Variants in PPP2R2C observed in about 807,000 individuals in gnomAD.
PPP2R2C encodes protein phosphatase 2 regulatory subunit Bgamma.
Under a neutral mutation model 45.3 loss-of-function variants are expected in PPP2R2C, and 10 were observed. The ratio of observed to expected loss-of-function variants is 0.22; its 90% CI spans 0.14 to 0.37. PPP2R2C has a LOEUF of 0.37. Ranked by LOEUF, PPP2R2C falls within the 10% of genes least tolerant of loss-of-function variation. The pLI, the probability that PPP2R2C is intolerant of heterozygous loss-of-function variation, is 1.00. For missense variants in PPP2R2C, 308 were observed against 619.7 expected (o/e 0.50, Z 5.34); for synonymous variants, 257 against 245.4 (o/e 1.05, Z -0.44).
intron 5 of PPP2R2C, among the ~76,000 whole-genome samples, chr4:6,360,067 G>A (rs966367640): frequency 6.6e-6 from 1 of 152,208 alleles, no homozygotes; most frequent in African/African-American, 2.4e-5. Context: ...TTGAGACATG[G>A]TAATAACCCC....
chr4:6,375,346 C>A (rs1715215602), intron 4 of PPP2R2C, among the ~76,000 whole-genome samples: 1 of 152,152 alleles, frequency 6.6e-6, no homozygotes, highest in Non-Finnish European at 1.5e-5. Flanking sequence ...ATGTCTGTTT[C>A]AGGCCTTTGT....
chr4:6,475,796 GTGTGC>G (rs1006851363), upstream of PPP2R2C, among the ~76,000 whole-genome samples: 1 of 152,246 alleles, frequency 6.6e-6, no homozygotes, highest in African/African-American at 2.4e-5. Context: ...TGCATGGAAA[GTGTGC>G]TGTGCACCGC....
At chr4:6,475,934 T>A (rs553634343), upstream of PPP2R2C, among the ~76,000 whole-genome samples, 1 of 152,190 alleles carries the variant, frequency 6.6e-6, no homozygotes, top group South Asian at 2.1e-4. Flanking sequence ...ATGGAGAGAT[T>A]AGTGCCCCTA....
chr4:6,381,124 G>T, intron 1 of PPP2R2C, 30 bp from the exon 2 acceptor site: 1 of 1,556,388 alleles, frequency 6.4e-7, no homozygotes, highest in South Asian at 1.2e-5. Context: ...ACGGGAAGGG[G>T]TGGCTGTCAG....
chr4:6,421,506 A>G (rs1718962850), intron 1 of PPP2R2C, among the ~76,000 whole-genome samples: 1 of 152,142 alleles, frequency 6.6e-6, no homozygotes, highest in South Asian at 2.1e-4. Flanking sequence ...CGCTCTAGAT[A>G]CTGAGTGTCA....
chr4:6,532,339 C>A (rs1293215387), intron 2 of PPP2R2C, among the ~76,000 whole-genome samples: 2 of 152,208 alleles, frequency 1.3e-5, no homozygotes, highest in African/African-American at 4.8e-5. Flanking sequence ...AGCCATGTTT[C>A]CTGATGCCCA....
intron 1 of PPP2R2C, among the ~76,000 whole-genome samples, chr4:6,425,916 A>G (rs1719271017): frequency 6.6e-6 from 1 of 151,960 alleles, no homozygotes; most frequent in Non-Finnish European, 1.5e-5. Flanking sequence ...GCACACGTGC[A>G]TGCATGTGCA....
chr4:6,548,943 G>A (rs541376558), intron 1 of PPP2R2C, among the ~76,000 whole-genome samples: 7 of 152,228 alleles, frequency 4.6e-5, no homozygotes, highest in Non-Finnish European at 7.4e-5. Context: ...CCCTCTCCCC[G>A]CCTTCCCTCT....
intron 1 of PPP2R2C, among the ~76,000 whole-genome samples, chr4:6,443,166 C>T (rs900044881): frequency 6.6e-6 from 1 of 152,148 alleles, no homozygotes. Context: ...TCTCTCTCCT[C>T]GGCACCACTC....
intron 1 of PPP2R2C, among the ~76,000 whole-genome samples, chr4:6,404,520 A>G (rs1432854284): frequency 6.6e-6 from 1 of 152,222 alleles, no homozygotes; most frequent in Non-Finnish European, 1.5e-5. Context: ...TCAGTTATGA[A>G]GCACCCAGGT....
At chr4:6,521,415 G>A (rs1394569725) in intron 2 of PPP2R2C, among the ~76,000 whole-genome samples, 1 of 152,186 alleles carries the variant, frequency 6.6e-6, no homozygotes, top group African/African-American at 2.4e-5. Context: ...CCAGAAAGCG[G>A]GGACTTCAAT....
intron 6 of PPP2R2C, among the ~76,000 whole-genome samples, chr4:6,339,190 G>A (rs748211293): frequency 4.6e-5 from 7 of 152,228 alleles, no homozygotes; most frequent in Admixed American, 6.5e-5. Context: ...CCCCCAAGCC[G>A]CTGGGTACCT....
At chr4:6,397,672 G>A (rs1030481744) in intron 1 of PPP2R2C, among the ~76,000 whole-genome samples, 1 of 152,122 alleles carries the variant, frequency 6.6e-6, no homozygotes, top group Non-Finnish European at 1.5e-5. Context: ...ACCTACCAGG[G>A]GCAAGGCTCA....
intron 6 of PPP2R2C, among the ~76,000 whole-genome samples, 153 bp from the exon 7 acceptor site, chr4:6,333,884 C>T (rs542252117): frequency 1.4e-4 from 22 of 152,282 alleles, no homozygotes; most frequent in African/African-American, 5.3e-4. Context: ...TACCAGGGAA[C>T]AAGCCTGGTA....
chr4:6,398,988 C>CA (rs1194731068), intron 1 of PPP2R2C, among the ~76,000 whole-genome samples: 1 of 152,078 alleles, frequency 6.6e-6, no homozygotes, highest in South Asian at 2.1e-4. Context: ...GAAGCCAGAC[C>CA]AAAAAATGCA....
chr4:6,332,055 G>T lies in PPP2R2C; in HGVS notation c.960+1507C>A, dbSNP rs1208008340. Among the ~76,000 whole-genome samples, 1 of 152,162 alleles carries T rather than the reference G, an allele frequency of 6.6e-6. No individual in the cohort carries two copies. The highest frequency in any genetic ancestry group is 1.9e-4 in the East Asian group (1 of 5,198). On this transcript the variant is annotated intron_variant, in intron 7 of 8. Coordinates refer to ENST00000382599, the MANE Select transcript of PPP2R2C (RefSeq NM_020416.4). The surrounding 1 kb of genome is among the most constrained non-coding windows in gnomAD (Gnocchi z 4.9). ...CAGAACAGTCATTCCCCTCCTTCGT[G>T]GGGTCCTTCATGAGAATTTCAGAAA...
intron 1 of PPP2R2C, among the ~76,000 whole-genome samples, chr4:6,555,842 G>A (rs976101971): frequency 6.6e-6 from 1 of 152,162 alleles, no homozygotes; most frequent in Non-Finnish European, 1.5e-5. Context: ...CTCGGGTAAT[G>A]CTGCCACACC....
intron 2 of PPP2R2C, among the ~76,000 whole-genome samples, chr4:6,506,045 T>C (rs563699298): frequency 5.3e-5 from 8 of 152,276 alleles, no homozygotes; most frequent in African/African-American, 1.9e-4. Context: ...TGTGGATGAA[T>C]TTCATAGGCA....
intron 1 of PPP2R2C, among the ~76,000 whole-genome samples, chr4:6,425,839 T>TG (rs1719262237): frequency 7.1e-6 from 1 of 140,182 alleles, no homozygotes; most frequent in East Asian, 2.1e-4. Flanking sequence ...GTGTGTGTGG[T>TG]GTGTGTGTTA....
Sources: gnomAD v4.1 joint callset for allele counts (sites outside exome capture counted in the v4.1 genomes callset) on GRCh38, gnomAD v4.1.1 for gene constraint, Gnocchi (gnomAD v3.1) non-coding constraint, MANE v1.5 for transcripts, NCBI Gene and HGNC (gene_info 2026-07-23, HGNC 2026-07-21) for gene names.